The following PCLAF variants were observed in gnomAD, a reference collection of about 807,000 sequenced individuals.
PCLAF encodes PCNA-associated factor.
In PCLAF, 12 loss-of-function variants were observed where a neutral mutation model predicts 15.1. The ratio of observed to expected loss-of-function variants is 0.79; its 90% CI spans 0.51 to 1.29. The LOEUF (loss-of-function observed/expected upper bound fraction) is 1.29. PCLAF is among the 50% of genes most tolerant of loss of function. The probability of loss-of-function intolerance (pLI) is 0.00; values close to 1 mark genes in which losing one functional copy is unlikely to be tolerated. For synonymous variants in PCLAF, 33 were observed against 47.1 expected (o/e 0.70, Z 1.22); for missense variants, 116 against 130.9 (o/e 0.89, Z 0.56).
chr15:64,385,638 GAAAAAA>G (rs985914234), upstream of PCLAF, among the ~76,000 whole-genome samples: 2 of 145,082 alleles, frequency 1.4e-5, no homozygotes, highest in Admixed American at 1.4e-4. Flanking sequence ...AAAAGAAAAA[GAAAAAA>G]AAAAGAAAAA....
At chr15:64,387,558 T>G (rs1441933322) in exon 1 of PCLAF, 3 of 1,346,128 alleles carry the variant, frequency 2.2e-6, no homozygotes, top group African/African-American at 1.5e-5. Context: ...TAAACTGTCG[T>G]TTTTATAGGC....
At chr15:64,382,840 A>G, upstream of PCLAF, 1 of 283,206 alleles carries the variant, frequency 3.5e-6, no homozygotes, top group Non-Finnish European at 6.9e-6. Context: ...AAAAAATAAA[A>G]AATTAGCTGG....
In PCLAF at chr15:64,381,394, G is replaced by A; in HGVS notation, c.-23C>T. 3 of 1,614,122 alleles carry A rather than the reference G, an allele frequency of 1.9e-6. No individual in the cohort carries two copies. The highest frequency in any genetic ancestry group is 2.5e-6 in the Non-Finnish European group (3 of 1,180,028). On this transcript the variant is annotated 5_prime_UTR_variant, in exon 1 of 4. Transcript: ENST00000300035. ...CATGTTCAAACAAGAAGAGAGGAGAGGAGAGAACGAACTGACTTCCCAGCC... is the reference window on the plus strand; with the variant it reads ...CATGTTCAAACAAGAAGAGAGGAGAAGAGAGAACGAACTGACTTCCCAGCC...
At chr15:64,378,513 G>A (rs905219230) in intron 2 of PCLAF, among the ~76,000 whole-genome samples, 2 of 152,088 alleles carry the variant, frequency 1.3e-5, no homozygotes, top group Non-Finnish European at 2.9e-5. Flanking sequence ...TGAGGCAACC[G>A]TCCCGCCTTC....
At chr15:64,379,527 G>A (rs1053544953) in intron 2 of PCLAF, among the ~76,000 whole-genome samples, 1 of 151,858 alleles carries the variant, frequency 6.6e-6, no homozygotes, top group African/African-American at 2.4e-5. Context: ...TAGTCTAGTG[G>A]TACAGGGTAT....
chr15:64,366,617 T>A (rs551759357), intron 3 of PCLAF, among the ~76,000 whole-genome samples: 108 of 151,322 alleles, frequency 7.1e-4, no homozygotes, highest in Non-Finnish European at 1.3e-3. Flanking sequence ...GCAGGAGGAT[T>A]GCTTGAGCCC....
upstream of PCLAF, among the ~76,000 whole-genome samples, chr15:64,382,230 A>G (rs1407646570): frequency 6.6e-6 from 1 of 151,974 alleles, no homozygotes; most frequent in Non-Finnish European, 1.5e-5. Context: ...TCTCTACAAA[A>G]AATATACAAA....
chr15:64,377,487 AAATATATATATATATATAT>A (rs1254410766), intron 2 of PCLAF, among the ~76,000 whole-genome samples: 2 of 39,728 alleles, frequency 5.0e-5, no homozygotes, highest in African/African-American at 1.9e-4. Flanking sequence ...AAAAAAAAAA[AAATATATATATATATATAT>A]ATATATATAT....
chr15:64,373,834 C>G (rs1424386723), intron 3 of PCLAF: 1 of 1,445,432 alleles, frequency 6.9e-7, no homozygotes. Context: ...ACATCACTCC[C>G]TTTCCTCCTA....
chr15:64,384,932 C>T (rs1899904623), upstream of PCLAF, among the ~76,000 whole-genome samples: 1 of 151,998 alleles, frequency 6.6e-6, no homozygotes, highest in Admixed American at 6.6e-5. Flanking sequence ...CAGGGTCTCA[C>T]TCTGTCACGC....
intron 3 of PCLAF, among the ~76,000 whole-genome samples, chr15:64,366,314 C>T (rs1196105424): frequency 6.6e-6 from 1 of 152,046 alleles, no homozygotes; most frequent in Non-Finnish European, 1.5e-5. Context: ...AGTGTTTCTC[C>T]TTTAGACTAC....
intron 3 of PCLAF, among the ~76,000 whole-genome samples, chr15:64,367,837 C>T (rs891202332): frequency 2.1e-4 from 32 of 151,844 alleles, no homozygotes; most frequent in Non-Finnish European, 4.3e-4. Flanking sequence ...CATGAGCCAC[C>T]GTGCCCAGCC....
chr15:64,374,753 G>A (rs1338073821), intron 3 of PCLAF, among the ~76,000 whole-genome samples: 5 of 151,640 alleles, frequency 3.3e-5, no homozygotes, highest in Non-Finnish European at 7.4e-5. Flanking sequence ...GGCTGAGGTG[G>A]GAGAATCAAT....
rs1317408258 is a variant in PCLAF at position 64,373,639 on chromosome 15, G to A, written c.290+3104C>T. ...AAGGAACAAATGAAGAAACCTGCAC[G>A]GGTAGGAGCAGCGCCAGAAGTAGCA... is the stretch of plus-strand genomic sequence containing the variant. On this transcript the variant is annotated intron_variant, in intron 3 of 3. Transcript: ENST00000300035. 9.2e-6 allele frequency: 14 copies of A among 1,519,820 alleles called. No individual in the cohort carries two copies. In the South Asian group the frequency reaches 1.2e-4, roughly 13 times the overall value. The allele number at this position is 1,519,820 out of a possible 1,614,324, so 94.1% of individuals were successfully genotyped here.
Position 64,380,969 on chromosome 15 carries a change from G to T in PCLAF, c.116C>A (p.Ser39Ter). ...AGGGCTCTTCTTACCTTTCCTCGAT[G>T]AAACTGATGTCGAATTAGTGGCAGA... ...STSATNSTSV[S>*]SRKAENKYAG... Residue 39 changes from serine to a stop codon, truncating the protein, a stop_gained, in exon 2 of 4, where the codon TCA becomes TAA. Coordinates refer to ENST00000300035, the MANE Select transcript of PCLAF (RefSeq NM_014736.6). LOFTEE classifies it high-confidence loss of function. 6.2e-7 allele frequency: 1 copy of T among 1,614,050 alleles called. No individual in the cohort carries two copies. Among genetic ancestry groups the T allele is most frequent in the Non-Finnish European group, 8.5e-7 (1 of 1,179,952 alleles).
chr15:64,366,174 G>A (rs113215678), intron 3 of PCLAF, 99 bp from the exon 4 acceptor site: 23 of 759,226 alleles, frequency 3.0e-5, no homozygotes, highest in African/African-American at 2.7e-4. Flanking sequence ...AATTAACAGT[G>A]CAGTAGATCT....
intron 2 of PCLAF, 42 bp from the exon 3 acceptor site, chr15:64,376,947 T>C (rs758374636): frequency 1.3e-6 from 2 of 1,505,752 alleles, no homozygotes; most frequent in Non-Finnish European, 1.8e-6. Flanking sequence ...GTGCTAATAA[T>C]ACAATCTCTA....
At chr15:64,376,676 C>T in intron 3 of PCLAF, 67 bp downstream of exon 3, 1 of 1,370,596 alleles carries the variant, frequency 7.3e-7, no homozygotes, top group Non-Finnish European at 1.0e-6. Context: ...GCCTCGGCCT[C>T]CCAAAGTGCT....
chr15:64,383,361 T>G (rs1048721164), upstream of PCLAF, among the ~76,000 whole-genome samples: 16 of 151,476 alleles, frequency 1.1e-4, no homozygotes, highest in East Asian at 1.9e-4. Flanking sequence ...AGTGGTTTTT[T>G]TGTGTGTGTG....
Sources: allele counts gnomAD v4.1 joint callset (sites outside exome capture counted in the v4.1 genomes callset), GRCh38; gene constraint gnomAD v4.1.1; transcripts MANE v1.5; gene names NCBI Gene and HGNC (gene_info 2026-07-23, HGNC 2026-07-21).